The following BRSK2 variants were observed in gnomAD, a reference collection of about 807,000 sequenced individuals.
BRSK2 encodes the protein serine/threonine-protein kinase BRSK2.
In BRSK2, 19 loss-of-function variants were observed where a neutral mutation model predicts 83.3. The observed-to-expected ratio is 0.23, with a 90% CI of 0.16 to 0.33. BRSK2 has a LOEUF of 0.33. Ranked by LOEUF, BRSK2 falls within the 10% of genes least tolerant of loss-of-function variation. The pLI is 1.00. For synonymous variants in BRSK2, 519 were observed against 435.4 expected (o/e 1.19, Z -2.39); for missense variants, 798 against 1,042.3 (o/e 0.77, Z 3.23).
intron 14 of BRSK2, among the ~76,000 whole-genome samples, chr11:1,451,144 C>G (rs762211362): frequency 6.6e-6 from 1 of 152,232 alleles, no homozygotes; most frequent in Non-Finnish European, 1.5e-5. Context: ...AAGGCACAGC[C>G]GACTTCAGCA....
chr11:1,439,457 G>A (rs1242546174), intron 3 of BRSK2, among the ~76,000 whole-genome samples: 2 of 151,844 alleles, frequency 1.3e-5, no homozygotes, highest in African/African-American at 4.8e-5. Flanking sequence ...AAGGTGGACT[G>A]TGACAAGGGG....
chr11:1,460,739 C>CCT lies in BRSK2; in HGVS notation c.*17_*18insTC, dbSNP rs1554922247. The CCT allele has an allele frequency of 3.5e-6, 5 of 1,410,368 alleles. No individual in the cohort carries two copies. The highest frequency in any genetic ancestry group is 4.6e-6 in the Non-Finnish European group (5 of 1,076,634). 87.4% of individuals were successfully genotyped at this position (1,410,368 alleles called of 1,614,324 possible). ...GCAGCCTTAGACACACTAGCCCCCCCCCCCAGCACAGCACTGACAGCGGCT... is the reference window on the plus strand; with the variant it reads ...GCAGCCTTAGACACACTAGCCCCCCCCTCCCCAGCACAGCACTGACAGCGGCT... On this transcript the variant is annotated 3_prime_UTR_variant, in exon 20 of 20. Coordinates refer to ENST00000528841, the MANE Select transcript of BRSK2 (RefSeq NM_001256627.2).
At chr11:1,460,394 T>G in intron 19 of BRSK2, 106 bp from the exon 20 acceptor site, 6 of 955,712 alleles carry the variant, frequency 6.3e-6, no homozygotes, top group East Asian at 3.7e-5. Context: ...CGTTCATTTG[T>G]TTGTTTGTTC....
intron 1 of BRSK2, among the ~76,000 whole-genome samples, chr11:1,398,086 G>A (rs575770700): frequency 7.2e-6 from 1 of 139,838 alleles, no homozygotes; most frequent in East Asian, 1.9e-4. Flanking sequence ...GGTGGTTTGC[G>A]GGGGCACAGG....
intron 18 of BRSK2, chr11:1,456,964 C>G (rs768414291): frequency 7.5e-6 from 12 of 1,597,300 alleles, no homozygotes; most frequent in African/African-American, 1.3e-5. Flanking sequence ...GAACCCCCCC[C>G]ACCAGCGCCA....
chr11:1,448,947 G>T (rs1852591847), intron 12 of BRSK2, among the ~76,000 whole-genome samples: 1 of 152,190 alleles, frequency 6.6e-6, no homozygotes, highest in Non-Finnish European at 1.5e-5. Context: ...CTGGTGGGTA[G>T]TGCAGGCCGG....
rs1326981425 is a variant in BRSK2, at chr11:1,390,674, C to T, written c.91+299C>T. On this transcript the variant is annotated intron_variant, in intron 1 of 19. Coordinates refer to ENST00000528841, the MANE Select transcript of BRSK2 (RefSeq NM_001256627.2). This position sits in a 1 kb window ranked among gnomAD's most constrained non-coding sequence, Gnocchi z 6.8. ...CCCCTCGGGCCCCGCTGCAGGTGCG[C>T]GGCCCGGGCCGCATTGTGCGCCCCA... Among the ~76,000 whole-genome samples the T allele has an allele frequency of 6.7e-6, 1 of 149,058 alleles. No individual in the cohort carries two copies. The highest frequency in any genetic ancestry group is 6.7e-5 in the Admixed American group (1 of 14,988).
At chr11:1,411,469 C>T (rs1847489445) in intron 1 of BRSK2, 7 of 1,474,254 alleles carry the variant, frequency 4.7e-6, no homozygotes, top group East Asian at 5.0e-5. Context: ...TGTCCTTCCT[C>T]CCTCTGCTCC....
At chr11:1,446,555 T>A (rs1852155387) in intron 12 of BRSK2, among the ~76,000 whole-genome samples, 1 of 152,134 alleles carries the variant, frequency 6.6e-6, no homozygotes, top group African/African-American at 2.4e-5. Flanking sequence ...GCTGGGCCCG[T>A]CTCTGGGTGG....
rs1227434693 is a variant in BRSK2, at chr11:1,454,386, G to A, written c.1545-99G>A. The A allele has an allele frequency of 8.5e-6, 12 of 1,414,252 alleles. No individual in the cohort carries two copies. The highest frequency in any genetic ancestry group is 1.1e-5 in the Non-Finnish European group (11 of 1,016,564). The allele number at this position is 1,414,252 out of a possible 1,614,324, so 87.6% of individuals were successfully genotyped here. On this transcript the variant is annotated intron_variant, in intron 15 of 19. Transcript: ENST00000528841. The surrounding 1 kb of genome is among the most constrained non-coding windows in gnomAD (Gnocchi z 5.2). ...GAGACAGCCGTTTCTATCACGAAGC[G>A]ATGGAAGATTCCGCCGTTCCAACCC...
chr11:1,443,250 C>CGG (rs1564851560), intron 6 of BRSK2, 85 bp from the exon 7 acceptor site: 1 of 1,521,884 alleles, frequency 6.6e-7, no homozygotes, highest in East Asian at 2.4e-5. Flanking sequence ...TGCCTGTCCC[C>CGG]GGGCCGACTC....
chr11:1,419,426 A>G (rs1848433232), intron 1 of BRSK2, among the ~76,000 whole-genome samples: 1 of 152,168 alleles, frequency 6.6e-6, no homozygotes, highest in African/African-American at 2.4e-5. Context: ...TCTTTCTGTT[A>G]TCTTGTTCTG....
intron 1 of BRSK2, among the ~76,000 whole-genome samples, chr11:1,424,602 G>A (rs868232178): frequency 2.0e-5 from 3 of 152,228 alleles, no homozygotes; most frequent in African/African-American, 4.8e-5. Context: ...CCGGCAGGAC[G>A]GGACAGCCAC....
chr11:1,449,155 G>A (rs1034785781), intron 12 of BRSK2, among the ~76,000 whole-genome samples: 4 of 152,178 alleles, frequency 2.6e-5, no homozygotes, highest in African/African-American at 7.2e-5. Flanking sequence ...AGCCGGGCAC[G>A]CCGGGCCAGG....
At position 1,443,326 on chromosome 11, in the gene BRSK2, T is replaced by C; in HGVS notation, c.565-9T>C. The C allele has an allele frequency of 6.2e-7, 1 of 1,605,050 alleles. No individual in the cohort carries two copies. Among genetic ancestry groups the C allele is most frequent in the Non-Finnish European group, 8.5e-7 (1 of 1,176,972 alleles). ...CGCCCCCCAACAGCCCGGGCACTGCTGTCCACAGGGGGAGAAGTATGACGG... is the reference window on the plus strand; with the variant it reads ...CGCCCCCCAACAGCCCGGGCACTGCCGTCCACAGGGGGAGAAGTATGACGG... On this transcript the variant is annotated splice_polypyrimidine_tract_variant and intron_variant, in intron 6 of 19. Transcript: ENST00000528841.
At chr11:1,427,877 C>T (rs1034130210) in intron 1 of BRSK2, among the ~76,000 whole-genome samples, 1 of 152,226 alleles carries the variant, frequency 6.6e-6, no homozygotes, top group Non-Finnish European at 1.5e-5. Context: ...CACTCCCTGC[C>T]TCCAGAAAGT....
Position 1,452,766 on chromosome 11 carries a change from T to A in BRSK2, c.1544+1347T>A, listed in dbSNP as rs193161282. Among the ~76,000 whole-genome samples, 56 of 152,098 alleles carry A rather than the reference T, an allele frequency of 3.7e-4. No individual in the cohort carries two copies. The Middle Eastern group carries it at 0.01, about 28-fold the overall frequency. On this transcript the variant is annotated intron_variant, in intron 15 of 19. Coordinates refer to ENST00000528841, the MANE Select transcript of BRSK2 (RefSeq NM_001256627.2). ...GCCCCACCCAAGGGCCCGGCACAGA[T>A]GCCTGTGACAGCCCTTATTGAGGGT...
rs556752462 is a variant in BRSK2, at chr11:1,461,054, C to T, written c.*331C>T. 2.1e-5 allele frequency: 33 copies of T among 1,603,958 alleles called. No homozygotes were observed. Among genetic ancestry groups the T allele is most frequent in the East Asian group, 6.7e-5 (3 of 44,716 alleles). ...AGCTGCTGCGGACCCGCCCTCCCTC[C>T]GCTCCTGCTGTTGCTGCCGGGCAGT... On this transcript the variant is annotated 3_prime_UTR_variant, in exon 20 of 20. Coordinates refer to ENST00000528841, the MANE Select transcript of BRSK2 (RefSeq NM_001256627.2).
At chr11:1,425,700 T>C (rs1366274436) in intron 1 of BRSK2, among the ~76,000 whole-genome samples, 2 of 152,162 alleles carry the variant, frequency 1.3e-5, no homozygotes, top group Non-Finnish European at 2.9e-5. Context: ...CTCTGTGTCC[T>C]CTCCACTGGC....
Sources: allele counts gnomAD v4.1 joint callset (sites outside exome capture counted in the v4.1 genomes callset), GRCh38; gene constraint gnomAD v4.1.1; non-coding constraint Gnocchi (gnomAD v3.1); transcripts MANE v1.5; gene names NCBI Gene and HGNC (gene_info 2026-07-23, HGNC 2026-07-21).